The following PPP1R13B variants were observed in gnomAD, a reference collection of about 807,000 sequenced individuals.
The protein encoded by PPP1R13B is apoptosis-stimulating of p53 protein 1.
A neutral mutation model predicts 119.8 loss-of-function variants in PPP1R13B; 44 were observed. That is an observed-to-expected ratio of 0.37 (90% CI 0.29 to 0.47). The LOEUF is 0.47. PPP1R13B is among the 20% of genes least tolerant of loss of function. PPP1R13B has a pLI of 0.99. For missense variants in PPP1R13B, 1,227 were observed against 1,413.5 expected, an observed-to-expected ratio of 0.87 and a Z score of 2.12; for synonymous variants, 542 against 561.5, an observed-to-expected ratio of 0.97 and a Z score of 0.49.
intron 1 of PPP1R13B, among the ~76,000 whole-genome samples, chr14:103,814,259 G>C (rs2086226228): frequency 6.6e-6 from 1 of 152,194 alleles, no homozygotes; most frequent in Non-Finnish European, 1.5e-5. Context: ...TGAGGCAGGA[G>C]AATGCCATGA....
intron 1 of PPP1R13B, among the ~76,000 whole-genome samples, chr14:103,824,496 C>T (rs1208578039): frequency 1.3e-5 from 2 of 151,496 alleles, no homozygotes; most frequent in Non-Finnish European, 2.9e-5. Flanking sequence ...GAGTTCGAGA[C>T]TAGCCTGGCC....
In PPP1R13B at chr14:103,763,191, T is replaced by C. The variant is rs1414955828; in HGVS notation, c.355-5440A>G. 1.3e-5 allele frequency: 8 copies of C among 592,814 alleles called. No homozygotes were observed. The Admixed American group carries it at 1.8e-4, about 14-fold the overall frequency. The allele number at this position is 592,814 out of a possible 1,614,324, so 36.7% of individuals were successfully genotyped here. A position where few individuals can be genotyped will look rare whatever the true frequency, so the allele number is the denominator to read the frequency against. On this transcript the variant is annotated intron_variant, in intron 4 of 16. Coordinates refer to ENST00000202556, the MANE Select transcript of PPP1R13B (RefSeq NM_015316.3). ...CCCGGATTTCAGAAACAATAAAATG[T>C]GGAATGTGTCCATGAAATAGGGTTG...
At chr14:103,779,224 G>A (rs1446303885) in intron 3 of PPP1R13B, among the ~76,000 whole-genome samples, 1 of 152,006 alleles carries the variant, frequency 6.6e-6, no homozygotes, top group Non-Finnish European at 1.5e-5. Context: ...GAGGGGTCGA[G>A]GCTGCAGTAA....
chr14:103,756,759 T>C (rs998891890), intron 5 of PPP1R13B, among the ~76,000 whole-genome samples: 3 of 151,418 alleles, frequency 2.0e-5, no homozygotes, highest in Non-Finnish European at 4.4e-5. Context: ...CCCGATTTCT[T>C]TGTTTTTTTT....
chr14:103,799,328 G>A (rs1367871088), intron 1 of PPP1R13B, among the ~76,000 whole-genome samples: 5 of 152,026 alleles, frequency 3.3e-5, no homozygotes, highest in South Asian at 2.1e-4. Flanking sequence ...ACAGGCGCAC[G>A]TCACTACGCC....
rs1489104489 is a variant in PPP1R13B, at chr14:103,749,804, T to C, written c.959A>G (p.Lys320Arg). Residue 320 changes from lysine (K) to arginine (R), a missense_variant, in exon 8 of 17, where the codon AAA becomes AGA. By Grantham distance (26) the Lys-to-Arg change is conservative. Coordinates refer to ENST00000202556, the MANE Select transcript of PPP1R13B (RefSeq NM_015316.3). ...AACTTTTTCACATGCCTGAATTTTTTTCCCATAGAGACGTTCACGCAGTTC... is the reference window on the plus strand; with the variant it reads ...AACTTTTTCACATGCCTGAATTTTTCTCCCATAGAGACGTTCACGCAGTTC... The part of the protein sequence containing the change: ...ISELRERLYG[K>R]KIQLNRVNGT... The C allele has an allele frequency of 6.2e-7, 1 of 1,609,802 alleles. No homozygotes were observed. The highest frequency in any genetic ancestry group is 1.1e-5 in the South Asian group (1 of 89,624).
rs1362899412 is a variant in PPP1R13B, at chr14:103,847,264, GA to G, written c.9+34del. The G allele has an allele frequency of 3.4e-6, 4 of 1,187,618 alleles. No homozygotes were observed. In the East Asian group the frequency reaches 1.9e-4, roughly 55 times the overall value. The allele number at this position is 1,187,618 out of a possible 1,614,324, so 73.6% of individuals were successfully genotyped here. The stretch of plus-strand genomic sequence containing the variant: ...GAGGTTTGGCCAGCGGCCCGCGGAG[GA>G]AGCCGCCGCCACCTCCCGCCCGCCC... On this transcript the variant is annotated intron_variant, in intron 1 of 16. Transcript: ENST00000202556.
intron 8 of PPP1R13B, among the ~76,000 whole-genome samples, chr14:103,748,114 C>T (rs1329613319): frequency 6.7e-6 from 1 of 150,304 alleles, no homozygotes; most frequent in African/African-American, 2.5e-5. Context: ...CACACACACA[C>T]GTGCACGCGC....
Position 103,741,938 on chromosome 14 carries a change from A to C in PPP1R13B, c.1674T>G (p.Ala558=). 1 of 1,614,228 alleles carries C rather than the reference A, an allele frequency of 6.2e-7. No homozygotes were observed. The highest frequency in any genetic ancestry group is 1.7e-5 in the Admixed American group (1 of 60,022). Residue 558 remains alanine, a synonymous_variant, in exon 11 of 17, where the codon GCT becomes GCG. Coordinates refer to ENST00000202556, the MANE Select transcript of PPP1R13B (RefSeq NM_015316.3). ...PLTVAIRPFL[A]DKGSRPQSPR... ...GAGACTGTGGCCTTGACCCTTTATC[A>C]GCCAGGAAAGGCCTAATGGCCACTG...
chr14:103,741,949 G>T lies in PPP1R13B; in HGVS notation c.1663C>A (p.Pro555Thr), dbSNP rs143920315. ...PELPLTVAIR[P>T]FLADKGSRPQ... is the part of the protein sequence containing the mutation. ...CTTGACCCTTTATCAGCCAGGAAAG[G>T]CCTAATGGCCACTGTCAGTGGGAGT... Residue 555 changes from proline (P) to threonine (T), a missense_variant, in exon 11 of 17, where the codon CCT becomes ACT. Transcript: ENST00000202556. 1,964 of 1,614,246 alleles carry T rather than the reference G, an allele frequency of 1.2e-3. 28 individuals carry two copies. In the East Asian group the frequency reaches 0.036, roughly 30 times the overall value.
intron 4 of PPP1R13B, among the ~76,000 whole-genome samples, chr14:103,766,289 T>A (rs1226362206): frequency 6.6e-6 from 1 of 152,106 alleles, no homozygotes; most frequent in African/African-American, 2.4e-5. Flanking sequence ...ATTACAGGCG[T>A]CATCCACCGT....
At chr14:103,827,943 T>A (rs1259040645) in intron 1 of PPP1R13B, among the ~76,000 whole-genome samples, 1 of 152,090 alleles carries the variant, frequency 6.6e-6, no homozygotes, top group African/African-American at 2.4e-5. Flanking sequence ...AAGAAACCAA[T>A]TGGACCATAA....
chr14:103,755,932 A>G (rs993676177), intron 5 of PPP1R13B, among the ~76,000 whole-genome samples: 2 of 152,202 alleles, frequency 1.3e-5, no homozygotes, highest in African/African-American at 4.8e-5. Context: ...TATTTACATA[A>G]AAGTGGATAG....
At position 103,734,885 on chromosome 14, in the gene PPP1R13B, G is replaced by A. The variant is rs1284198277; in HGVS notation, c.*269C>T. The A allele has an allele frequency of 3.5e-6, 2 of 574,608 alleles. No individual in the cohort carries two copies. Among genetic ancestry groups the A allele is most frequent in the Non-Finnish European group, 6.5e-6 (2 of 307,246 alleles). 35.6% of individuals were successfully genotyped at this position (574,608 alleles called of 1,614,324 possible). Reference sequence around the variant, plus strand: ...TATGGGACTTCTTAATGGCAAGAGGGGTGGGTGTTTTGAAAGTGGGTATTT... The same window carrying A: ...TATGGGACTTCTTAATGGCAAGAGGAGTGGGTGTTTTGAAAGTGGGTATTT... On this transcript the variant is annotated 3_prime_UTR_variant, in exon 17 of 17. Coordinates refer to ENST00000202556, the MANE Select transcript of PPP1R13B (RefSeq NM_015316.3).
At chr14:103,840,962 T>C (rs2086893296) in intron 1 of PPP1R13B, among the ~76,000 whole-genome samples, 1 of 152,124 alleles carries the variant, frequency 6.6e-6, no homozygotes, top group Non-Finnish European at 1.5e-5. Flanking sequence ...ATATCACATA[T>C]ACCTCAGAAA....
chr14:103,744,887 C>T (rs964317138), intron 9 of PPP1R13B, among the ~76,000 whole-genome samples: 1 of 152,226 alleles, frequency 6.6e-6, no homozygotes, highest in African/African-American at 2.4e-5. Flanking sequence ...ACCAGGGCTT[C>T]GTGAAGGCAT....
At chr14:103,828,022 A>G (rs2086590313) in intron 1 of PPP1R13B, among the ~76,000 whole-genome samples, 1 of 152,086 alleles carries the variant, frequency 6.6e-6, no homozygotes, top group South Asian at 2.1e-4. Flanking sequence ...AACCACACAA[A>G]GAGACTAAAA....
chr14:103,752,970 A>C, intron 7 of PPP1R13B, 30 bp downstream of exon 7: 1 of 1,597,714 alleles, frequency 6.3e-7, no homozygotes. Context: ...AGAATGTTTT[A>C]ATACAACCAT....
At chr14:103,820,058 A>G (rs970851191) in intron 1 of PPP1R13B, among the ~76,000 whole-genome samples, 1 of 152,184 alleles carries the variant, frequency 6.6e-6, no homozygotes, top group Non-Finnish European at 1.5e-5. Flanking sequence ...TCTACCTGCC[A>G]ACGGGTACAG....
Sources: gnomAD v4.1 joint callset for allele counts (sites outside exome capture counted in the v4.1 genomes callset) on GRCh38, gnomAD v4.1.1 for gene constraint, MANE v1.5 for transcripts, NCBI Gene and HGNC (gene_info 2026-07-23, HGNC 2026-07-21) for gene names.